Variants in DGKB observed in about 807,000 individuals in gnomAD.
DGKB encodes the protein 90 kDa diacylglycerol kinase.
A neutral mutation model predicts 114.3 loss-of-function variants in DGKB; 67 were observed. The ratio of observed to expected loss-of-function variants is 0.59; its 90% CI spans 0.48 to 0.72. The LOEUF (loss-of-function observed/expected upper bound fraction) is 0.72. Among genes scored for constraint, DGKB ranks in the 30% least tolerant of loss-of-function variants. The pLI, the probability that DGKB is intolerant of heterozygous loss-of-function variation, is 0.00. For missense variants in DGKB, 907 were observed against 975.2 expected, an observed-to-expected ratio of 0.93 and a Z score of 0.93; for synonymous variants, 398 against 323.1, an observed-to-expected ratio of 1.23 and a Z score of -2.49.
intron 23 of DGKB, among the ~76,000 whole-genome samples, chr7:14,233,738 A>C (rs981151350): frequency 6.6e-6 from 1 of 151,992 alleles, no homozygotes; most frequent in Non-Finnish European, 1.5e-5. Flanking sequence ...TTGAGAACCA[A>C]CTGTCAAAGC....
chr7:14,230,628 A>C (rs1405641943), intron 23 of DGKB, among the ~76,000 whole-genome samples: 1 of 152,010 alleles, frequency 6.6e-6, no homozygotes, highest in East Asian at 1.9e-4. Context: ...TTTTATTATG[A>C]CTCTATAGAT....
At chr7:14,526,497 T>G (rs1483175148) in intron 20 of DGKB, among the ~76,000 whole-genome samples, 1 of 151,984 alleles carries the variant, frequency 6.6e-6, no homozygotes, top group African/African-American at 2.4e-5. Flanking sequence ...GCTCAAACAA[T>G]GGGAAGAGTC....
chr7:14,973,040 C>A (rs1388393902), intron 1 of DGKB, among the ~76,000 whole-genome samples: 1 of 151,842 alleles, frequency 6.6e-6, no homozygotes, highest in Non-Finnish European at 1.5e-5. Flanking sequence ...ATACAATATG[C>A]TCTGCTAAAG....
chr7:14,246,424 T>C (rs1344904145), intron 23 of DGKB, among the ~76,000 whole-genome samples: 1 of 152,156 alleles, frequency 6.6e-6, no homozygotes, highest in Non-Finnish European at 1.5e-5. Flanking sequence ...AAGAAGATAA[T>C]CTAGCTTCTG....
intron 2 of DGKB, among the ~76,000 whole-genome samples, chr7:14,832,991 ATTTCTTTTTGTT>A (rs970291110): frequency 6.6e-6 from 1 of 151,968 alleles, no homozygotes; most frequent in African/African-American, 2.4e-5. Context: ...CCTCTAAATT[ATTTCTTTTTGTT>A]TTCCTTTCCT....
At chr7:14,689,134 T>C (rs1822257750) in intron 9 of DGKB, among the ~76,000 whole-genome samples, 1 of 151,358 alleles carries the variant, frequency 6.6e-6, no homozygotes, top group Admixed American at 6.6e-5. Flanking sequence ...GAACATTAAA[T>C]TACCTTACTT....
chr7:14,455,660 C>G (rs1832177331), intron 21 of DGKB, among the ~76,000 whole-genome samples: 1 of 151,998 alleles, frequency 6.6e-6, no homozygotes, highest in Non-Finnish European at 1.5e-5. Context: ...AGCAAACATT[C>G]TCCACTCTAT....
At chr7:14,379,438 A>C (rs1325180480) in intron 21 of DGKB, among the ~76,000 whole-genome samples, 1 of 147,196 alleles carries the variant, frequency 6.8e-6, no homozygotes, top group African/African-American at 2.5e-5. Context: ...GTTTCTTGCT[A>C]GTTATTGAGA....
chr7:14,694,910 C>G (rs1387538357), intron 8 of DGKB, among the ~76,000 whole-genome samples: 1 of 152,026 alleles, frequency 6.6e-6, no homozygotes, highest in African/African-American at 2.4e-5. Flanking sequence ...TATATAAGTT[C>G]CAAACATATT....
intron 23 of DGKB, among the ~76,000 whole-genome samples, chr7:14,183,602 A>T (rs1472199779): frequency 6.6e-6 from 1 of 152,028 alleles, no homozygotes; most frequent in East Asian, 1.9e-4. Flanking sequence ...TCCATTTAAG[A>T]CTCTCAACAG....
rs188200723 is a variant in DGKB, at chr7:14,465,128, G to A, written c.1835+13033C>T. On this transcript the variant is annotated intron_variant, in intron 21 of 25. Transcript: ENST00000402815. ...AGGCACCTCCTCCTGGTAGCATATC[G>A]TACTCCATTTTGCATTTACCTCACT... is the stretch of plus-strand genomic sequence containing the variant. Among the ~76,000 whole-genome samples the A allele has an allele frequency of 5.9e-5, 9 of 152,186 alleles. No individual in the cohort carries two copies. The South Asian group carries it at 6.2e-4, about 11-fold the overall frequency.
At chr7:14,469,972 T>G (rs2128885050) in intron 21 of DGKB, among the ~76,000 whole-genome samples, 1 of 152,068 alleles carries the variant, frequency 6.6e-6, no homozygotes, top group South Asian at 2.1e-4. Context: ...CACTATATGG[T>G]TTATAGGCAA....
At chr7:14,349,460 A>G (rs1813071830) in intron 21 of DGKB, among the ~76,000 whole-genome samples, 1 of 152,122 alleles carries the variant, frequency 6.6e-6, no homozygotes, top group African/African-American at 2.4e-5. Context: ...AGTTCCTCAC[A>G]GCGTAATTAG....
chr7:14,554,817 C>T, intron 20 of DGKB, among the ~76,000 whole-genome samples: 1 of 151,858 alleles, frequency 6.6e-6, no homozygotes, highest in East Asian at 1.9e-4. Context: ...TTTCATCTGG[C>T]TATTCAGTAT....
chr7:14,489,885 A>C (rs1334412569), intron 20 of DGKB, among the ~76,000 whole-genome samples: 1 of 152,156 alleles, frequency 6.6e-6, no homozygotes, highest in African/African-American at 2.4e-5. Flanking sequence ...ATAAGCCTGC[A>C]ATTGAGGCTA....
intron 20 of DGKB, among the ~76,000 whole-genome samples, chr7:14,512,962 T>C (rs1010757600): frequency 6.6e-6 from 1 of 152,062 alleles, no homozygotes; most frequent in Admixed American, 6.6e-5. Flanking sequence ...CACCAAGTAA[T>C]TGTTGAAAAT....
At chr7:14,693,536 T>G (rs1585709961) in intron 9 of DGKB, among the ~76,000 whole-genome samples, 1 of 151,332 alleles carries the variant, frequency 6.6e-6, no homozygotes, top group South Asian at 2.1e-4. Context: ...CAGGAAAAAC[T>G]TACGTTTATT....
At chr7:14,800,489 C>T (rs1032635839) in intron 2 of DGKB, among the ~76,000 whole-genome samples, 2 of 152,180 alleles carry the variant, frequency 1.3e-5, no homozygotes, top group African/African-American at 4.8e-5. Flanking sequence ...GATCTTTCTC[C>T]CGTGCTGGAT....
At chr7:14,359,199 C>G (rs997756114) in intron 21 of DGKB, among the ~76,000 whole-genome samples, 81 of 152,130 alleles carry the variant, frequency 5.3e-4, no homozygotes, top group African/African-American at 1.7e-3. Context: ...ACAAACCTGA[C>G]AAAAACAAGC....
Sources: gnomAD v4.1 joint callset for allele counts (sites outside exome capture counted in the v4.1 genomes callset) on GRCh38, gnomAD v4.1.1 for gene constraint, MANE v1.5 for transcripts, NCBI Gene and HGNC (gene_info 2026-07-23, HGNC 2026-07-21) for gene names.